CDK15: variants seen among roughly 807,000 people sequenced by gnomAD.
CDK15 encodes the protein cyclin-dependent kinase 15.
In CDK15, 62 loss-of-function variants were observed where a neutral mutation model predicts 60.3. The ratio of observed to expected loss-of-function variants is 1.03; its 90% confidence interval spans 0.84 to 1.27. The LOEUF (loss-of-function observed/expected upper bound fraction) is 1.27. Among genes scored for constraint, CDK15 ranks in the 50% most tolerant of loss-of-function variants. The probability of loss-of-function intolerance (pLI) is 0.00; values close to 1 mark genes in which losing one functional copy is unlikely to be tolerated. For synonymous variants in CDK15, 194 were observed against 195.7 expected (o/e 0.99, Z 0.07); for missense variants, 541 against 527.8 (o/e 1.03, Z -0.25).
At chr2:201,838,839 A>C (rs567238724) in intron 8 of CDK15, among the ~76,000 whole-genome samples, 1 of 152,150 alleles carries the variant, frequency 6.6e-6, no homozygotes, top group South Asian at 2.1e-4. Context: ...CTTCTACCAA[A>C]ATTTTTTTTC....
At chr2:201,857,948 G>A (rs1294922992) in intron 10 of CDK15, among the ~76,000 whole-genome samples, 7 of 152,146 alleles carry the variant, frequency 4.6e-5, no homozygotes, top group Non-Finnish European at 7.3e-5. Flanking sequence ...GATGAGCACC[G>A]TGTCAGCAGC....
intron 7 of CDK15, 41 bp from the exon 8 acceptor site, chr2:201,835,602 G>T (rs377241539): frequency 2.7e-6 from 4 of 1,492,666 alleles, no homozygotes; most frequent in Non-Finnish European, 3.6e-6. Flanking sequence ...TGCAAGCCAA[G>T]GTCCAGAACG....
chr2:201,843,523 A>G (rs570278912), intron 8 of CDK15, among the ~76,000 whole-genome samples: 1 of 152,330 alleles, frequency 6.6e-6, no homozygotes, highest in African/African-American at 2.4e-5. Flanking sequence ...TTTGTTATCA[A>G]TGCATTGATA....
At chr2:201,837,303 C>CAGAG (rs112414025) in intron 8 of CDK15, among the ~76,000 whole-genome samples, 62,232 of 123,350 alleles carry the variant, frequency 0.5, 17,857 homozygotes, top group Admixed American at 0.64. Context: ...AAGAAAGAAA[C>CAGAG]AGAGAGAGAG....
At chr2:201,886,792 C>T (rs549578149) in intron 12 of CDK15, among the ~76,000 whole-genome samples, 24 of 152,260 alleles carry the variant, frequency 1.6e-4, no homozygotes, top group African/African-American at 5.5e-4. Context: ...AAATTGACTG[C>T]TTTACTAGGG....
intron 10 of CDK15, chr2:201,860,635 T>C: frequency 8.6e-7 from 1 of 1,167,178 alleles, no homozygotes; most frequent in Non-Finnish European, 1.1e-6. Flanking sequence ...AGGAAAGCGG[T>C]ACTAAAAGCC....
At chr2:201,875,080 A>G (rs568354446) in intron 11 of CDK15, among the ~76,000 whole-genome samples, 1 of 152,098 alleles carries the variant, frequency 6.6e-6, no homozygotes, top group Non-Finnish European at 1.5e-5. Context: ...GTATGGAGTG[A>G]TGGGTTAGTA....
rs1221949979 is a variant in CDK15 at position 201,847,462 on chromosome 2, GA to G, written c.937del (p.Ile313SerfsTer56). 6.2e-7 allele frequency: 1 copy of G among 1,613,832 alleles called. No individual in the cohort carries two copies. Among genetic ancestry groups the G allele is most frequent in the Admixed American group, 1.7e-5 (1 of 60,006 alleles). The part of the protein sequence containing the change: ...GVSNILEQLE[K>X]IWEVLGVPTE... The stretch of plus-strand genomic sequence containing the variant: ...TTTCCAACATCCTTGAACAGCTGGA[GA>G]AAATCTGGGAGGTAGGAGAATAATT... On this transcript the variant is annotated frameshift_variant, in exon 9 of 14. Transcript: ENST00000652192. LOFTEE classifies it high-confidence loss of function.
intron 12 of CDK15, chr2:201,889,018 A>T (rs1699554369): frequency 1.0e-6 from 1 of 985,528 alleles, no homozygotes; most frequent in South Asian, 4.7e-5. Context: ...AACAAATGGT[A>T]TGATGGCTCC....
chr2:201,886,915 T>C (rs1014855362), intron 12 of CDK15, among the ~76,000 whole-genome samples: 1 of 152,182 alleles, frequency 6.6e-6, no homozygotes, highest in Non-Finnish European at 1.5e-5. Context: ...ATTGAAACTT[T>C]TGCAAAGTGT....
chr2:201,847,814 T>C (rs1697736287), intron 9 of CDK15, among the ~76,000 whole-genome samples: 1 of 152,212 alleles, frequency 6.6e-6, no homozygotes, highest in Non-Finnish European at 1.5e-5. Context: ...AATGCTACCA[T>C]ATATTTGGCC....
chr2:201,818,707 A>G (rs1370325327), intron 4 of CDK15, among the ~76,000 whole-genome samples: 5 of 152,214 alleles, frequency 3.3e-5, no homozygotes, highest in Admixed American at 6.5e-5. Context: ...CACAGTTTTC[A>G]TATAACGATT....
intron 8 of CDK15, among the ~76,000 whole-genome samples, chr2:201,842,534 TC>T (rs1219275892): frequency 3.3e-5 from 5 of 152,216 alleles, no homozygotes; most frequent in Admixed American, 3.3e-4. Context: ...TGAATTAACT[TC>T]AACAGTAAGA....
At chr2:201,846,113 G>A (rs111322481) in intron 8 of CDK15, among the ~76,000 whole-genome samples, 74 of 152,134 alleles carry the variant, frequency 4.9e-4, no homozygotes, top group African/African-American at 1.6e-3. Context: ...ATAATCAGTA[G>A]CATCTAACAA....
At chr2:201,845,573 G>A (rs375765744) in intron 8 of CDK15, among the ~76,000 whole-genome samples, 12 of 133,114 alleles carry the variant, frequency 9.0e-5, no homozygotes, top group Admixed American at 3.3e-4. Flanking sequence ...ACAACATGGC[G>A]AAACCCCATC....
chr2:201,856,650 A>G (rs1698156142), intron 10 of CDK15, among the ~76,000 whole-genome samples: 2 of 152,058 alleles, frequency 1.3e-5, no homozygotes, highest in Admixed American at 6.5e-5. Context: ...CCCTGCCTGT[A>G]CTTCTCCCTG....
At chr2:201,860,363 C>T (rs1225206027) in intron 10 of CDK15, among the ~76,000 whole-genome samples, 1 of 152,154 alleles carries the variant, frequency 6.6e-6, no homozygotes, top group Non-Finnish European at 1.5e-5. Context: ...AATGCATTTG[C>T]CAAATTGGCA....
chr2:201,830,702 G>C (rs1468452188), intron 6 of CDK15, among the ~76,000 whole-genome samples: 1 of 152,214 alleles, frequency 6.6e-6, no homozygotes, highest in Non-Finnish European at 1.5e-5. Flanking sequence ...GAGAGGGATT[G>C]AGAGTTCAGT....
intron 6 of CDK15, among the ~76,000 whole-genome samples, chr2:201,827,684 G>A (rs963800330): frequency 3.3e-5 from 5 of 151,864 alleles, no homozygotes; most frequent in Non-Finnish European, 5.9e-5. Flanking sequence ...ATGGCTCACC[G>A]CAGCCTCAAA....
Sources: gnomAD v4.1 joint callset for allele counts (sites outside exome capture counted in the v4.1 genomes callset) on GRCh38, gnomAD v4.1.1 for gene constraint, MANE v1.5 for transcripts, NCBI Gene and HGNC (gene_info 2026-07-23, HGNC 2026-07-21) for gene names.